The following LRP1B variants were observed in gnomAD, a reference collection of about 807,000 sequenced individuals.
LRP1B encodes LDL receptor related protein 1B, also known as low-density lipoprotein receptor-related protein 1B.
A neutral mutation model predicts 556.6 loss-of-function variants in LRP1B; 217 were observed. The observed-to-expected ratio is 0.39, with a 90% CI of 0.35 to 0.44. LRP1B has a LOEUF of 0.44. LRP1B is among the 20% of genes least tolerant of loss of function. The probability of loss-of-function intolerance (pLI) is 1.00; values close to 1 mark genes in which losing one functional copy is unlikely to be tolerated. For synonymous variants in LRP1B, 2,047 were observed against 1,865.8 expected, an observed-to-expected ratio of 1.10 and a Z score of -2.50; for missense variants, 5,053 against 5,620.8, an observed-to-expected ratio of 0.90 and a Z score of 3.23.
At chr2:141,745,727 C>T (rs1305400476) in intron 2 of LRP1B, among the ~76,000 whole-genome samples, 1 of 151,796 alleles carries the variant, frequency 6.6e-6, no homozygotes, top group Admixed American at 6.6e-5. Flanking sequence ...TTTATTTTTC[C>T]TTCAGCTTTT....
At chr2:141,412,214 AG>A (rs1304513023) in intron 3 of LRP1B, among the ~76,000 whole-genome samples, 2 of 152,194 alleles carry the variant, frequency 1.3e-5, no homozygotes, top group African/African-American at 4.8e-5. Flanking sequence ...TTTTAATTCC[AG>A]GGAAAACTGA....
At chr2:142,014,118 T>C (rs1703041649) in intron 1 of LRP1B, among the ~76,000 whole-genome samples, 1 of 152,174 alleles carries the variant, frequency 6.6e-6, no homozygotes, top group South Asian at 2.1e-4. Flanking sequence ...GCATTCCTCC[T>C]CTTACTTTCA....
chr2:140,965,187 A>G (rs983710956), intron 18 of LRP1B, among the ~76,000 whole-genome samples: 4 of 152,272 alleles, frequency 2.6e-5, no homozygotes, highest in South Asian at 2.1e-4. Context: ...TTAGGTATCA[A>G]AAAGGTACAT....
At position 140,505,971 on chromosome 2, in the gene LRP1B, ATAT is replaced by A. The variant is rs573768119; in HGVS notation, c.8521+822_8521+824del. The stretch of plus-strand genomic sequence containing the variant: ...ATCATTAAAGTTGTAGGTTGTATAG[ATAT>A]TATATATAACATAGAAAAATATATG... On this transcript the variant is annotated intron_variant, in intron 53 of 90. Transcript: ENST00000389484. 4.4e-3 allele frequency among the ~76,000 whole-genome samples: 669 copies of A among 152,286 alleles called. 6 individuals are homozygous for A. The highest frequency in any genetic ancestry group is 0.016 in the African/African-American group (649 of 41,574).
intron 18 of LRP1B, among the ~76,000 whole-genome samples, chr2:140,973,030 C>T (rs1696479626): frequency 1.5e-5 from 2 of 131,840 alleles, no homozygotes; most frequent in African/African-American, 2.8e-5. Flanking sequence ...TTCATATATG[C>T]TTTCATTAAA....
chr2:141,080,976 G>C (rs1699907858), intron 7 of LRP1B, among the ~76,000 whole-genome samples: 1 of 152,012 alleles, frequency 6.6e-6, no homozygotes, highest in African/African-American at 2.4e-5. Context: ...AGAACCACAG[G>C]CACACACCAT....
At chr2:141,059,444 A>C (rs146764366) in intron 8 of LRP1B, among the ~76,000 whole-genome samples, 6 of 151,908 alleles carry the variant, frequency 3.9e-5, no homozygotes, top group African/African-American at 1.2e-4. Context: ...GGATATTTAG[A>C]AGCTGCAAAA....
At chr2:140,953,954 C>A (rs908038103) in intron 18 of LRP1B, among the ~76,000 whole-genome samples, 1 of 152,120 alleles carries the variant, frequency 6.6e-6, no homozygotes, top group Non-Finnish European at 1.5e-5. Context: ...GTACCTAAAC[C>A]GTTATTTTAA....
Position 140,601,550 on chromosome 2 carries a change from T to A in LRP1B, c.6889A>T (p.Thr2297Ser), listed in dbSNP as rs773577002. 1.9e-6 allele frequency: 3 copies of A among 1,613,232 alleles called. No homozygotes were observed. Among genetic ancestry groups the A allele is most frequent in the Non-Finnish European group, 2.5e-6 (3 of 1,179,502 alleles). ...SSTTSSITRH[T>S]VDQTRPGAFD... ...GCTCCAGGCCGAGTCTGGTCCACAGTGTGTCTGGTGATGGATGAGGTGGTA... is the reference window on the plus strand; with the variant it reads ...GCTCCAGGCCGAGTCTGGTCCACAGAGTGTCTGGTGATGGATGAGGTGGTA... The change falls in exon 42 of 91, where the codon ACT (threonine) becomes TCT (serine). Residue 2297 changes from threonine to serine, a missense_variant. Physicochemically the swap from Thr to Ser is moderately conservative, Grantham distance 58 (BLOSUM62 1). This residue lies in a region of LRP1B where 3,619 missense variants were observed against 3,931.9 expected (regional missense o/e 0.92). Transcript: ENST00000389484.
At chr2:142,126,502 TG>T (rs1370150190) in intron 1 of LRP1B, among the ~76,000 whole-genome samples, 1 of 151,846 alleles carries the variant, frequency 6.6e-6, no homozygotes, top group Non-Finnish European at 1.5e-5. Flanking sequence ...TAACTTAGTT[TG>T]ACGAATGATA....
chr2:141,461,337 A>T (rs906871445), intron 3 of LRP1B, among the ~76,000 whole-genome samples: 2 of 152,210 alleles, frequency 1.3e-5, no homozygotes, highest in Non-Finnish European at 2.9e-5. Context: ...TTATACCAAT[A>T]CAGATACTAC....
At chr2:140,356,132 A>G (rs765003929) in intron 75 of LRP1B, among the ~76,000 whole-genome samples, 2 of 151,472 alleles carry the variant, frequency 1.3e-5, no homozygotes, top group Non-Finnish European at 3.0e-5. Flanking sequence ...TTTGCTATAG[A>G]AAAAGCTTTG....
At position 140,358,442 on chromosome 2, in the gene LRP1B, C is replaced by T. The variant is rs113495994; in HGVS notation, c.11258-326G>A. On this transcript the variant is annotated intron_variant, in intron 73 of 90. Transcript: ENST00000389484. ...TGTCTCCAGATGATTTTGCTGCATA[C>T]ATAAGTCTTTTGCATTAAAAACTTT... is the stretch of plus-strand genomic sequence containing the variant. 1.3e-4 allele frequency among the ~76,000 whole-genome samples: 20 copies of T among 151,792 alleles called. 1 individual carries two copies. The highest frequency in any genetic ancestry group is 4.6e-4 in the African/African-American group (19 of 41,474).
At chr2:140,448,475 G>A (rs1686757504) in intron 63 of LRP1B, among the ~76,000 whole-genome samples, 1 of 152,026 alleles carries the variant, frequency 6.6e-6, no homozygotes, top group Admixed American at 6.6e-5. Context: ...GAACCTGGAG[G>A]ACATTATTTT....
At chr2:141,410,217 C>G (rs577269845) in intron 3 of LRP1B, among the ~76,000 whole-genome samples, 1 of 152,114 alleles carries the variant, frequency 6.6e-6, no homozygotes, top group Non-Finnish European at 1.5e-5. Context: ...TACTATTACA[C>G]GTCTTTTTAA....
At chr2:141,826,633 A>C (rs775027462) in intron 1 of LRP1B, among the ~76,000 whole-genome samples, 3 of 152,178 alleles carry the variant, frequency 2.0e-5, no homozygotes, top group African/African-American at 7.2e-5. Flanking sequence ...TGCTGGGATT[A>C]CAGGCAAGAG....
intron 3 of LRP1B, among the ~76,000 whole-genome samples, chr2:141,275,826 A>G (rs1327295977): frequency 6.6e-6 from 1 of 152,198 alleles, no homozygotes; most frequent in African/African-American, 2.4e-5. Flanking sequence ...CAGAAATTAG[A>G]AATGGCGTAG....
At chr2:140,569,252 A>G (rs1681236033) in intron 43 of LRP1B, among the ~76,000 whole-genome samples, 1 of 152,018 alleles carries the variant, frequency 6.6e-6, no homozygotes. Context: ...AAATTCCTCA[A>G]TTAAAACATA....
At chr2:140,587,507 G>A (rs771773261) in intron 43 of LRP1B, among the ~76,000 whole-genome samples, 6 of 152,142 alleles carry the variant, frequency 3.9e-5, no homozygotes, top group African/African-American at 9.7e-5. Context: ...GAGCTCACAC[G>A]TGGTATCTAA....
Sources: gnomAD v4.1 joint callset for allele counts (sites outside exome capture counted in the v4.1 genomes callset) on GRCh38, gnomAD v4.1.1 for gene constraint, gnomAD v4.1.1 regional missense constraint, MANE v1.5 for transcripts, NCBI Gene and HGNC (gene_info 2026-07-23, HGNC 2026-07-21) for gene names.